RASGRF2: variants seen among roughly 807,000 people sequenced by gnomAD.
RASGRF2 encodes the protein ras-specific guanine nucleotide-releasing factor 2.
In RASGRF2, 76 loss-of-function variants were observed where a neutral mutation model predicts 151.0. The ratio of observed to expected loss-of-function variants is 0.50; its 90% confidence interval spans 0.42 to 0.61. The LOEUF is 0.61. RASGRF2 is among the 20% of genes least tolerant of loss of function. The pLI, the probability that RASGRF2 is intolerant of heterozygous loss-of-function variation, is 0.00. For synonymous variants in RASGRF2, 504 were observed against 566.5 expected (o/e 0.89, Z 1.57); for missense variants, 1,148 against 1,564.6 (o/e 0.73, Z 4.49).
intron 17 of RASGRF2, among the ~76,000 whole-genome samples, chr5:81,161,137 G>A (rs1285867443): frequency 2.0e-5 from 3 of 152,188 alleles, no homozygotes; most frequent in Non-Finnish European, 2.9e-5. Context: ...ACACTTATGT[G>A]TGAGGTTGTC....
At chr5:81,156,601 T>C (rs2112630128) in intron 17 of RASGRF2, among the ~76,000 whole-genome samples, 1 of 152,324 alleles carries the variant, frequency 6.6e-6, no homozygotes, top group South Asian at 2.1e-4. Flanking sequence ...ACCGTATGAT[T>C]ATCTTAAAAT....
At chr5:81,225,137 T>G (rs1580420390) in intron 26 of RASGRF2, among the ~76,000 whole-genome samples, 1 of 152,228 alleles carries the variant, frequency 6.6e-6, no homozygotes, top group Non-Finnish European at 1.5e-5. Flanking sequence ...TATTCACGCA[T>G]GCACTCCAGG....
At chr5:81,206,306 G>A (rs1755506339) in intron 19 of RASGRF2, among the ~76,000 whole-genome samples, 1 of 152,162 alleles carries the variant, frequency 6.6e-6, no homozygotes, top group African/African-American at 2.4e-5. Flanking sequence ...AATGCAAGGG[G>A]GAAGAAGCTA....
chr5:81,096,438 T>C (rs504087), intron 12 of RASGRF2: 61,016 of 152,056 alleles, frequency 0.4, 12,682 homozygotes, highest in Middle Eastern at 0.64. Context: ...ACGACCATGG[T>C]TCTTGCTCTC....
chr5:80,986,543 T>C (rs1748478400), intron 1 of RASGRF2, among the ~76,000 whole-genome samples: 3 of 152,238 alleles, frequency 2.0e-5, no homozygotes, highest in African/African-American at 2.4e-5. Flanking sequence ...GCATTCTGTA[T>C]GGTAAAATTT....
intron 2 of RASGRF2, among the ~76,000 whole-genome samples, chr5:81,050,636 C>G (rs1175822281): frequency 6.6e-6 from 1 of 152,180 alleles, no homozygotes; most frequent in Non-Finnish European, 1.5e-5. Context: ...TCCAGTCTGA[C>G]TTACACCAAC....
At chr5:81,223,635 C>T (rs1185136996) in intron 26 of RASGRF2, among the ~76,000 whole-genome samples, 1 of 150,816 alleles carries the variant, frequency 6.6e-6, no homozygotes, top group Admixed American at 6.6e-5. Context: ...AGCGAGACTC[C>T]GTCTCAGAAA....
intron 26 of RASGRF2, among the ~76,000 whole-genome samples, chr5:81,220,803 C>G (rs1365726533): frequency 6.6e-6 from 1 of 152,184 alleles, no homozygotes; most frequent in African/African-American, 2.4e-5. Context: ...ATCATTTATT[C>G]AGATTTCCTT....
At chr5:80,969,393 C>G (rs1338964898) in intron 1 of RASGRF2, among the ~76,000 whole-genome samples, 2 of 151,732 alleles carry the variant, frequency 1.3e-5, no homozygotes, top group African/African-American at 4.8e-5. Flanking sequence ...CTTGGCCTCC[C>G]AAAGTGTTGG....
chr5:81,201,470 A>G, intron 19 of RASGRF2, 28 bp downstream of exon 19: 1 of 1,600,366 alleles, frequency 6.2e-7, no homozygotes. Flanking sequence ...TGCCGACTGG[A>G]TGACATTGGT....
chr5:81,060,776 T>C (rs153228), intron 2 of RASGRF2, among the ~76,000 whole-genome samples: 1 of 152,166 alleles, frequency 6.6e-6, no homozygotes, highest in Non-Finnish European at 1.5e-5. Flanking sequence ...ATTTTCTCTT[T>C]TCTCCCCACT....
chr5:81,114,320 C>T (rs906997189), intron 15 of RASGRF2, among the ~76,000 whole-genome samples: 1 of 152,196 alleles, frequency 6.6e-6, no homozygotes, highest in African/African-American at 2.4e-5. Flanking sequence ...TCTCCTCCTC[C>T]CTTATTTGCC....
chr5:81,101,286 T>A (rs1450879118), intron 12 of RASGRF2, among the ~76,000 whole-genome samples: 2 of 152,186 alleles, frequency 1.3e-5, no homozygotes, highest in Non-Finnish European at 2.9e-5. Flanking sequence ...CCATAAATAT[T>A]TACCACACCT....
intron 17 of RASGRF2, among the ~76,000 whole-genome samples, chr5:81,156,021 A>G (rs1161850030): frequency 6.6e-6 from 1 of 152,158 alleles, no homozygotes; most frequent in Non-Finnish European, 1.5e-5. Flanking sequence ...CAGGTACTTT[A>G]TGTTCCCCTG....
In RASGRF2 at chr5:81,082,647, G is replaced by C. The variant is rs16878417; in HGVS notation, c.1161+1858G>C. 6.7e-3 allele frequency among the ~76,000 whole-genome samples: 1,028 copies of C among 152,312 alleles called. 17 individuals carry two copies. The highest frequency in any genetic ancestry group is 0.024 in the African/African-American group (985 of 41,574). ...ATGTTTTGGATTGGGTAACTATGTG[G>C]TGTTTCAAGGAGCTTGGTGTTAGTC... On this transcript the variant is annotated intron_variant, in intron 7 of 26. Transcript: ENST00000265080.
intron 24 of RASGRF2, among the ~76,000 whole-genome samples, chr5:81,216,581 T>C (rs562732281): frequency 6.6e-6 from 1 of 152,310 alleles, no homozygotes; most frequent in African/African-American, 2.4e-5. Flanking sequence ...TACCAAAGTA[T>C]TTACTAAATG....
At chr5:81,092,351 CTG>C (rs1342312013) in intron 9 of RASGRF2, among the ~76,000 whole-genome samples, 1 of 151,836 alleles carries the variant, frequency 6.6e-6, no homozygotes, top group Non-Finnish European at 1.5e-5. Flanking sequence ...ACAAGGTAAA[CTG>C]TATTAATATG....
intron 1 of RASGRF2, among the ~76,000 whole-genome samples, chr5:81,032,862 T>C (rs1393798438): frequency 4.6e-5 from 7 of 152,328 alleles, no homozygotes; most frequent in South Asian, 2.1e-4. Context: ...AAATTGTCCC[T>C]GTTTGCAGAT....
chr5:81,086,005 G>A, intron 8 of RASGRF2, 94 bp downstream of exon 8: 1 of 1,528,022 alleles, frequency 6.5e-7, no homozygotes, highest in Non-Finnish European at 8.8e-7. Flanking sequence ...GGAACAAGAA[G>A]CAAAACAAAT....
Sources: gnomAD v4.1 joint callset for allele counts (sites outside exome capture counted in the v4.1 genomes callset) on GRCh38, gnomAD v4.1.1 for gene constraint, MANE v1.5 for transcripts, NCBI Gene and HGNC (gene_info 2026-07-23, HGNC 2026-07-21) for gene names.